The following IL2RA variants were observed in gnomAD, a reference collection of about 807,000 sequenced individuals.
IL2RA encodes the protein interleukin 2 receptor subunit alpha, also known as interleukin-2 receptor subunit alpha.
A neutral mutation model predicts 37.8 loss-of-function variants in IL2RA; 24 were observed. The ratio of observed to expected loss-of-function variants is 0.63; its 90% CI spans 0.46 to 0.89. The LOEUF is 0.89. Ranked by LOEUF, IL2RA falls within the 40% of genes least tolerant of loss-of-function variation. The probability of loss-of-function intolerance (pLI) is 0.00; values close to 1 mark genes in which losing one functional copy is unlikely to be tolerated. For missense variants in IL2RA, 319 were observed against 348.6 expected (o/e 0.92, Z 0.68); for synonymous variants, 125 against 114.6 (o/e 1.09, Z -0.58).
chr10:6,027,221 G>A (rs1369152727), intron 1 of IL2RA, among the ~76,000 whole-genome samples: 2 of 152,132 alleles, frequency 1.3e-5, no homozygotes, highest in African/African-American at 4.8e-5. Context: ...AGTTACTTGG[G>A]AGGCTGAGGC....
intron 1 of IL2RA, among the ~76,000 whole-genome samples, chr10:6,053,470 C>T (rs12722499): frequency 5.3e-5 from 8 of 152,276 alleles, no homozygotes; most frequent in African/African-American, 9.6e-5. Flanking sequence ...CAAATAAGAA[C>T]GAAAGGAAAC....
rs1307054698 is a variant in IL2RA at position 6,048,964 on chromosome 10, C to T, written c.64+13124G>A. 6.6e-6 allele frequency among the ~76,000 whole-genome samples: 1 copy of T among 152,196 alleles called. No individual in the cohort carries two copies. Among genetic ancestry groups the T allele is most frequent in the Non-Finnish European group, 1.5e-5 (1 of 68,030 alleles). On this transcript the variant is annotated intron_variant, in intron 1 of 7. Coordinates refer to ENST00000379959, the MANE Select transcript of IL2RA (RefSeq NM_000417.3). The surrounding 1 kb of genome is among the most constrained non-coding windows in gnomAD (Gnocchi z 5.3). Reference sequence around the variant, plus strand: ...TCTTGGAGCTCACCATGTGTTTTGTCTTGGGCCTTGGTCATTGTATTATTC... The same window carrying T: ...TCTTGGAGCTCACCATGTGTTTTGTTTTGGGCCTTGGTCATTGTATTATTC...
intron 1 of IL2RA, among the ~76,000 whole-genome samples, chr10:6,052,412 C>CT (rs1224608179): frequency 3.3e-5 from 5 of 152,328 alleles, no homozygotes; most frequent in Non-Finnish European, 7.3e-5. Context: ...TTATTCATCT[C>CT]TGTGTCTCAA....
chr10:6,043,010 C>T (rs925882367), intron 1 of IL2RA, among the ~76,000 whole-genome samples: 9 of 152,280 alleles, frequency 5.9e-5, no homozygotes, highest in African/African-American at 7.2e-5. Context: ...GATCTCACTT[C>T]TAGGTATATT....
intron 1 of IL2RA, among the ~76,000 whole-genome samples, chr10:6,061,114 C>A (rs1358854288): frequency 3.3e-5 from 5 of 152,048 alleles, no homozygotes; most frequent in Admixed American, 3.3e-4. Flanking sequence ...ATTGGCCAGG[C>A]ACGGTGGTTC....
chr10:6,045,369 AG>A (rs1487696103), intron 1 of IL2RA, among the ~76,000 whole-genome samples: 1 of 152,144 alleles, frequency 6.6e-6, no homozygotes, highest in African/African-American at 2.4e-5. Flanking sequence ...TTTACTTAGA[AG>A]GGAAAAAAGA....
intron 1 of IL2RA, among the ~76,000 whole-genome samples, chr10:6,034,250 T>G (rs1564546941): frequency 6.6e-6 from 1 of 152,194 alleles, no homozygotes; most frequent in Non-Finnish European, 1.5e-5. Context: ...GAATCTTTCC[T>G]GGAATTTAGG....
chr10:6,017,946 A>C, intron 7 of IL2RA, 107 bp downstream of exon 7: 2 of 822,742 alleles, frequency 2.4e-6, no homozygotes, highest in Non-Finnish European at 4.1e-6. Flanking sequence ...CACTCCCTGA[A>C]CTGCAGGTGA....
chr10:6,046,784 G>A lies in IL2RA; in HGVS notation c.64+15304C>T, dbSNP rs150250256. Among the ~76,000 whole-genome samples, 12 of 152,298 alleles carry A rather than the reference G, an allele frequency of 7.9e-5. No individual in the cohort carries two copies. Among genetic ancestry groups the A allele is most frequent in the Non-Finnish European group, 1.5e-4 (10 of 68,024 alleles). On this transcript the variant is annotated intron_variant, in intron 1 of 7. Transcript: ENST00000379959. This position sits in a 1 kb window ranked among gnomAD's most constrained non-coding sequence, Gnocchi z 4.8. ...CATTTGATCTCTGATAGTTTCAGTG[G>A]GTGGGTTCTATTCTTTTCAACAGAT...
At position 6,021,340 on chromosome 10, in the gene IL2RA, A is replaced by T; in HGVS notation, c.583+138T>A. ...AAATTTTTTTTTTTTTCTCAGAATG[A>T]GAAAAAATGGAAGCCCAGGGAGATC... On this transcript the variant is annotated intron_variant, in intron 4 of 7. Transcript: ENST00000379959. This position sits in a 1 kb window ranked among gnomAD's most constrained non-coding sequence, Gnocchi z 4.9. The T allele has an allele frequency of 2.6e-6, 2 of 757,128 alleles. No individual in the cohort carries two copies. Among genetic ancestry groups the T allele is most frequent in the Non-Finnish European group, 4.5e-6 (2 of 445,350 alleles). The allele number at this position is 757,128 out of a possible 1,614,324, so 46.9% of individuals were successfully genotyped here. A position where few individuals can be genotyped will look rare whatever the true frequency, so the allele number is the denominator to read the frequency against.
In IL2RA at chr10:6,021,103, ATG is replaced by A. The variant is rs1478092613; in HGVS notation, c.583+373_583+374del. 6.6e-6 allele frequency among the ~76,000 whole-genome samples: 1 copy of A among 152,104 alleles called. No individual in the cohort carries two copies. The highest frequency in any genetic ancestry group is 2.4e-5 in the African/African-American group (1 of 41,406). ...TACACGATCACCAGTAAGAGGAAAA[ATG>A]TGTGAGTGGGAAACTGGACTTGCCC... On this transcript the variant is annotated intron_variant, in intron 4 of 7. Transcript: ENST00000379959. The surrounding 1 kb of genome is among the most constrained non-coding windows in gnomAD (Gnocchi z 4.9).
chr10:6,051,031 C>T (rs986290472), intron 1 of IL2RA, among the ~76,000 whole-genome samples: 1 of 151,200 alleles, frequency 6.6e-6, no homozygotes, highest in Admixed American at 6.6e-5. Flanking sequence ...AGAGACGGCT[C>T]TTTTATTCTG....
rs3078966 is a variant in IL2RA, at chr10:6,021,317, ATT to A, written c.583+159_583+160del. Among the ~76,000 whole-genome samples, 53,072 of 149,392 alleles carry A rather than the reference ATT, an allele frequency of 0.36. 9,821 individuals are homozygous for A. The highest frequency in any genetic ancestry group is 0.44 in the Middle Eastern group (128 of 294). On this transcript the variant is annotated intron_variant, in intron 4 of 7. Transcript: ENST00000379959. The surrounding 1 kb of genome is among the most constrained non-coding windows in gnomAD (Gnocchi z 4.9). The stretch of plus-strand genomic sequence containing the variant: ...AGTCCATCTGATCTGGTCTATTTAA[ATT>A]TTTTTTTTTTTCTCAGAATGAGAAA...
Position 6,058,250 on chromosome 10 carries a change from A to G in IL2RA, c.64+3838T>C, listed in dbSNP as rs879599428. ...GTGGAGTAGTGGAGTTTTAGAGCTC[A>G]GCAACCGTTCTATATTAGCACCTCT... On this transcript the variant is annotated intron_variant, in intron 1 of 7. Coordinates refer to ENST00000379959, the MANE Select transcript of IL2RA (RefSeq NM_000417.3). This position sits in a 1 kb window ranked among gnomAD's most constrained non-coding sequence, Gnocchi z 4.2. 9.9e-5 allele frequency among the ~76,000 whole-genome samples: 15 copies of G among 152,234 alleles called. No individual in the cohort carries two copies. The highest frequency in any genetic ancestry group is 3.1e-4 in the African/African-American group (13 of 41,462).
rs1839433974 is a variant in IL2RA, at chr10:6,023,983, A to C, written c.367+261T>G. Among the ~76,000 whole-genome samples the C allele has an allele frequency of 2.6e-5, 4 of 152,310 alleles. No individual in the cohort carries two copies. The South Asian group carries it at 8.3e-4, about 32-fold the overall frequency. ...TTAAGTTGAGTTGAATTTGGGTTGA[A>C]TTCTATTTGGCCAGTTACCAAACCA... On this transcript the variant is annotated intron_variant, in intron 3 of 7. Coordinates refer to ENST00000379959, the MANE Select transcript of IL2RA (RefSeq NM_000417.3).
chr10:6,039,928 A>T (rs1256335216), intron 1 of IL2RA, among the ~76,000 whole-genome samples: 1 of 152,204 alleles, frequency 6.6e-6, no homozygotes, highest in East Asian at 1.9e-4. Flanking sequence ...CTTAACTATA[A>T]GGTGCCTGAA....
Position 6,024,282 on chromosome 10 carries a change from T to A in IL2RA, c.329A>T (p.Gln110Leu), listed in dbSNP as rs1445854585. 5.0e-6 allele frequency: 8 copies of A among 1,614,072 alleles called. No individual in the cohort carries two copies. Among genetic ancestry groups the A allele is most frequent in the Non-Finnish European group, 6.8e-6 (8 of 1,179,996 alleles). ...TTGGTCCACTGGCTGCATTGGACTTTGCATTTCTGTGGTTTTCCTTTCTTT... is the reference window on the plus strand; with the variant it reads ...TTGGTCCACTGGCTGCATTGGACTTAGCATTTCTGTGGTTTTCCTTTCTTT... ...EQKERKTTEM[Q>L]SPMQPVDQAS... Residue 110 changes from glutamine to leucine, a missense_variant, in exon 3 of 8, where the codon CAA becomes CTA. Transcript: ENST00000379959.
chr10:6,042,373 G>T (rs2132882587), intron 1 of IL2RA, among the ~76,000 whole-genome samples: 1 of 151,854 alleles, frequency 6.6e-6, no homozygotes, highest in African/African-American at 2.4e-5. Context: ...GAAATAAAAA[G>T]AAACTTATTT....
At chr10:6,023,200 T>C (rs1839417263) in intron 3 of IL2RA, among the ~76,000 whole-genome samples, 1 of 152,188 alleles carries the variant, frequency 6.6e-6, no homozygotes, top group Non-Finnish European at 1.5e-5. Flanking sequence ...ATAGCCAGGC[T>C]CAAATGGGAT....
Sources: allele counts gnomAD v4.1 joint callset (sites outside exome capture counted in the v4.1 genomes callset), GRCh38; gene constraint gnomAD v4.1.1; non-coding constraint Gnocchi (gnomAD v3.1); transcripts MANE v1.5; gene names NCBI Gene and HGNC (gene_info 2026-07-23, HGNC 2026-07-21).